UGT1A9: variants seen among roughly 807,000 people sequenced by gnomAD.
The protein encoded by UGT1A9 is UDP glucuronosyltransferase family 1 member A9.
UGT1A9 carries 35 observed loss-of-function variants against 45.0 expected under a neutral mutation model. The ratio of observed to expected loss-of-function variants is 0.78; its 90% CI spans 0.59 to 1.03. The LOEUF (loss-of-function observed/expected upper bound fraction) is 1.03, where lower values mean the gene tolerates loss of function less well. Among genes scored for constraint, UGT1A9 ranks in the 50% least tolerant of loss-of-function variants. The pLI is 0.00. For synonymous variants in UGT1A9, 278 were observed against 250.6 expected (o/e 1.11, Z -1.03); for missense variants, 687 against 666.6 (o/e 1.03, Z -0.34).
At chr2:233,726,183 T>C (rs1209436998) in intron 1 of UGT1A9, among the ~76,000 whole-genome samples, 1 of 152,174 alleles carries the variant, frequency 6.6e-6, no homozygotes, top group Admixed American at 6.5e-5. Flanking sequence ...TAAAAATTTC[T>C]TTGGCATATG....
intron 1 of UGT1A9, among the ~76,000 whole-genome samples, chr2:233,680,445 G>A (rs1422552682): frequency 6.6e-6 from 1 of 152,188 alleles, no homozygotes; most frequent in Admixed American, 6.5e-5. Context: ...AGAGGAAAGT[G>A]ACTAAGCAAA....
chr2:233,690,402 C>A (rs1273231905), intron 1 of UGT1A9: 16 of 1,162,780 alleles, frequency 1.4e-5, no homozygotes, highest in Non-Finnish European at 1.8e-5. Flanking sequence ...TTCCTATTCC[C>A]AACATGAAAT....
chr2:233,762,622 T>C (rs772893097), intron 1 of UGT1A9, among the ~76,000 whole-genome samples: 2 of 152,196 alleles, frequency 1.3e-5, no homozygotes, highest in African/African-American at 4.8e-5. Context: ...TGTTGTGACC[T>C]CAAACACTTC....
At chr2:233,681,345 G>A (rs999137622) in intron 1 of UGT1A9, among the ~76,000 whole-genome samples, 1 of 151,696 alleles carries the variant, frequency 6.6e-6, no homozygotes, top group African/African-American at 2.4e-5. Context: ...ACCAGCCTGG[G>A]CAACATGGTG....
intron 1 of UGT1A9, among the ~76,000 whole-genome samples, chr2:233,683,446 T>A (rs1396972347): frequency 6.6e-6 from 1 of 152,140 alleles, no homozygotes; most frequent in Non-Finnish European, 1.5e-5. Context: ...AGAATTCTTG[T>A]ATACTTTCTT....
intron 1 of UGT1A9, among the ~76,000 whole-genome samples, chr2:233,678,765 T>C (rs2074428580): frequency 1.3e-5 from 2 of 152,178 alleles, no homozygotes; most frequent in South Asian, 4.2e-4. Flanking sequence ...TATCAGGTCA[T>C]CTATTGATTC....
At chr2:233,754,812 C>T in intron 1 of UGT1A9, 1 of 1,317,570 alleles carries the variant, frequency 7.6e-7, no homozygotes. Context: ...AGAAGAAAAA[C>T]CACCCTCAAA....
rs1421246171 is a variant in UGT1A9, at chr2:233,747,288, G to T, written c.856-19746G>T. ...TACTCCTTCTCAGTGCCCAGCCCTG[G>T]GCTGAGAGTGGGAAGGTGCTGGTGG... On this transcript the variant is annotated intron_variant, in intron 1 of 4. Transcript: ENST00000354728. 3 of 1,601,214 alleles carry T rather than the reference G, an allele frequency of 1.9e-6. No homozygotes were observed. The African/African-American group carries it at 4.0e-5, about 22-fold the overall frequency.
chr2:233,689,103 G>C (rs2074926798), intron 1 of UGT1A9, among the ~76,000 whole-genome samples: 1 of 152,120 alleles, frequency 6.6e-6, no homozygotes, highest in Non-Finnish European at 1.5e-5. Context: ...CCTCCCCACT[G>C]CTCCTGGAAC....
Position 233,768,319 on chromosome 2 carries a change from G to C in UGT1A9, c.1175G>C (p.Gly392Ala), listed in dbSNP as rs367897068. The C allele has an allele frequency of 1.4e-5, 23 of 1,614,162 alleles. No individual in the cohort carries two copies. In the South Asian group the frequency reaches 2.2e-4, roughly 15 times the overall value. ...CCCATGGTGATGATGCCCTTGTTTG[G>C]TGATCAGATGGACAATGCAAAGCGC... is the stretch of plus-strand genomic sequence containing the variant. ...GVPMVMMPLF[G>A]DQMDNAKRME... The change falls in exon 4 of 5, where the codon GGT (glycine) becomes GCT (alanine). Residue 392 changes from glycine to alanine, a missense_variant. Transcript: ENST00000354728.
rs1433433254 is a variant in UGT1A9 at position 233,729,616 on chromosome 2, T to A, written c.856-37418T>A. On this transcript the variant is annotated intron_variant, in intron 1 of 4. Coordinates refer to ENST00000354728, the MANE Select transcript of UGT1A9 (RefSeq NM_021027.3). ...CCTCTGCGCGGCAGTGCTGGCTAAG[T>A]ACCTGTCGATTCCTACTGTGTTTTT... 3 of 1,614,044 alleles carry A rather than the reference T, an allele frequency of 1.9e-6. No homozygotes were observed. The Admixed American group carries it at 5.0e-5, about 27-fold the overall frequency.
At chr2:233,754,954 C>A (rs761740156) in intron 1 of UGT1A9, 10 of 1,315,520 alleles carry the variant, frequency 7.6e-6, no homozygotes, top group Non-Finnish European at 9.2e-6. Flanking sequence ...GGGTCCCGGC[C>A]GCCAAAGAAC....
intron 1 of UGT1A9, chr2:233,743,449 G>C (rs771301493): frequency 7.3e-7 from 1 of 1,365,064 alleles, no homozygotes; most frequent in South Asian, 1.1e-5. Flanking sequence ...TGTATCAAAA[G>C]AAGAAAAAAC....
intron 1 of UGT1A9, among the ~76,000 whole-genome samples, chr2:233,735,103 C>T (rs4467260): frequency 0.55 from 84,293 of 151,900 alleles, 25,602 homozygotes; most frequent in African/African-American, 0.82. Context: ...TGTCTAATAT[C>T]GACAGTGGGA....
In UGT1A9 at chr2:233,677,820, T is replaced by C. The variant is rs146521397; in HGVS notation, c.855+5031T>C. 7.7e-3 allele frequency among the ~76,000 whole-genome samples: 1,165 copies of C among 151,564 alleles called. 12 individuals carry two copies. Among genetic ancestry groups the C allele is most frequent in the Admixed American group, 7.8e-3 (119 of 15,240 alleles). On this transcript the variant is annotated intron_variant, in intron 1 of 4. Coordinates refer to ENST00000354728, the MANE Select transcript of UGT1A9 (RefSeq NM_021027.3). ...ACTGTCATTCGACCCAGCAATCCCATTACTAGATATATGTAAAAAAAATCG... is the reference window on the plus strand; with the variant it reads ...ACTGTCATTCGACCCAGCAATCCCACTACTAGATATATGTAAAAAAAATCG...
intron 1 of UGT1A9, chr2:233,691,535 G>T: frequency 1.0e-6 from 1 of 985,674 alleles, no homozygotes; most frequent in Non-Finnish European, 1.2e-6. Context: ...CTAGCTCTGG[G>T]CAAGTCTGTT....
At chr2:233,733,344 T>A (rs1194194853) in intron 1 of UGT1A9, among the ~76,000 whole-genome samples, 4 of 152,230 alleles carry the variant, frequency 2.6e-5, no homozygotes, top group African/African-American at 9.6e-5. Flanking sequence ...TCCAACAGTA[T>A]GTTGAGTAGG....
intron 4 of UGT1A9, 33 bp downstream of exon 4, chr2:233,768,472 C>A: frequency 6.3e-7 from 1 of 1,596,838 alleles, no homozygotes; most frequent in South Asian, 1.1e-5. Flanking sequence ...ATACTTTGGT[C>A]ATGGCATTCA....
intron 1 of UGT1A9, chr2:233,742,007 T>G (rs1248075328): frequency 3.3e-5 from 5 of 151,958 alleles, no homozygotes; most frequent in Admixed American, 3.3e-4. Flanking sequence ...TACACTTGGC[T>G]TTCATCAACC....
Sources: gnomAD v4.1 joint callset for allele counts (sites outside exome capture counted in the v4.1 genomes callset) on GRCh38, gnomAD v4.1.1 for gene constraint, MANE v1.5 for transcripts, NCBI Gene and HGNC (gene_info 2026-07-23, HGNC 2026-07-21) for gene names.